Variants in NTNG1 observed in about 807,000 individuals in gnomAD.
The protein encoded by NTNG1 is netrin-G1.
In NTNG1, 16 loss-of-function variants were observed where a neutral mutation model predicts 54.0. The ratio of observed to expected loss-of-function variants is 0.30; its 90% confidence interval spans 0.20 to 0.45. The LOEUF is 0.45. NTNG1 is among the 20% of genes least tolerant of loss of function. NTNG1 has a pLI of 1.00. For missense variants in NTNG1, 530 were observed against 678.7 expected, an observed-to-expected ratio of 0.78 and a Z score of 2.43; for synonymous variants, 255 against 263.1, an observed-to-expected ratio of 0.97 and a Z score of 0.30.
At chr1:107,244,509 C>A (rs1662059408) in intron 2 of NTNG1, among the ~76,000 whole-genome samples, 1 of 152,196 alleles carries the variant, frequency 6.6e-6, no homozygotes, top group Non-Finnish European at 1.5e-5. Context: ...CTAATAGACA[C>A]TGCCATTATG....
intron 7 of NTNG1, among the ~76,000 whole-genome samples, chr1:107,439,337 A>T (rs1675812593): frequency 6.8e-6 from 1 of 148,122 alleles, no homozygotes; most frequent in Non-Finnish European, 1.5e-5. Context: ...GTAAGGGAAG[A>T]TGTTAAACAG....
chr1:107,290,137 C>G (rs1227402183), intron 2 of NTNG1, among the ~76,000 whole-genome samples: 1 of 152,168 alleles, frequency 6.6e-6, no homozygotes, highest in African/African-American at 2.4e-5. Context: ...ATAATGCATA[C>G]ATATTATGTG....
intron 3 of NTNG1, among the ~76,000 whole-genome samples, chr1:107,357,120 T>C (rs1431258531): frequency 6.6e-6 from 1 of 152,180 alleles, no homozygotes; most frequent in East Asian, 1.9e-4. Context: ...TTTAAATGCA[T>C]TCACTGCTAG....
At chr1:107,263,313 C>A (rs201561181) in intron 2 of NTNG1, among the ~76,000 whole-genome samples, 1 of 126,200 alleles carries the variant, frequency 7.9e-6, no homozygotes, top group Non-Finnish European at 1.9e-5. Flanking sequence ...TCCTTCCTTC[C>A]TTCCTTCCTT....
intron 2 of NTNG1, among the ~76,000 whole-genome samples, chr1:107,282,274 C>G (rs1230971134): frequency 6.6e-6 from 1 of 152,134 alleles, no homozygotes; most frequent in Non-Finnish European, 1.5e-5. Flanking sequence ...CTACTTGTTG[C>G]CAACCCTTTC....
chr1:107,431,033 T>C (rs1675228798), intron 6 of NTNG1, 116 bp downstream of exon 6: 2 of 847,374 alleles, frequency 2.4e-6, no homozygotes, highest in Admixed American at 2.6e-5. Flanking sequence ...ACTTTCTCAA[T>C]GTAGAAAATA....
intron 6 of NTNG1, 112 bp downstream of exon 6, chr1:107,431,029 T>C: frequency 1.1e-6 from 1 of 904,748 alleles, no homozygotes; most frequent in Non-Finnish European, 1.7e-6. Flanking sequence ...ATGAACTTTC[T>C]CAATGTAGAA....
chr1:107,405,588 G>A (rs548379017), intron 4 of NTNG1, among the ~76,000 whole-genome samples: 1 of 152,156 alleles, frequency 6.6e-6, no homozygotes, highest in Non-Finnish European at 1.5e-5. Context: ...AGCAAATACT[G>A]CATCAAACAG....
intron 3 of NTNG1, among the ~76,000 whole-genome samples, chr1:107,382,865 G>GAA (rs570924041): frequency 5.6e-5 from 8 of 143,198 alleles, no homozygotes; most frequent in East Asian, 2.0e-4. Flanking sequence ...CAAATAAGAG[G>GAA]AAAAAAAAAA....
intron 2 of NTNG1, among the ~76,000 whole-genome samples, chr1:107,229,272 T>C (rs1237689956): frequency 6.6e-6 from 1 of 150,602 alleles, no homozygotes; most frequent in Admixed American, 6.7e-5. Flanking sequence ...GATCCAGCAT[T>C]GGCCTTCTCA....
intron 7 of NTNG1, among the ~76,000 whole-genome samples, chr1:107,447,862 T>C (rs1301515322): frequency 6.6e-6 from 1 of 152,120 alleles, no homozygotes; most frequent in Non-Finnish European, 1.5e-5. Flanking sequence ...CCTAGCAAAC[T>C]GGCCTGGCTA....
chr1:107,283,098 A>G, intron 2 of NTNG1, among the ~76,000 whole-genome samples: 1 of 152,072 alleles, frequency 6.6e-6, no homozygotes, highest in Non-Finnish European at 1.5e-5. Context: ...TTCAACATAT[A>G]AACTTTGCAG....
intron 2 of NTNG1, among the ~76,000 whole-genome samples, chr1:107,213,764 A>G (rs1195493386): frequency 6.6e-6 from 1 of 152,168 alleles, no homozygotes; most frequent in African/African-American, 2.4e-5. Context: ...TCTGCCTTTG[A>G]AAGTGCAACA....
intron 1 of NTNG1, among the ~76,000 whole-genome samples, chr1:107,146,355 A>G (rs1654114587): frequency 6.6e-6 from 1 of 152,078 alleles, no homozygotes; most frequent in African/African-American, 2.4e-5. Context: ...ACTAGTAAAC[A>G]CAGTTGAAAA....
At chr1:107,444,770 G>A (rs190462085) in intron 7 of NTNG1, among the ~76,000 whole-genome samples, 14 of 152,198 alleles carry the variant, frequency 9.2e-5, no homozygotes, top group African/African-American at 3.4e-4. Context: ...GAAAAATGCA[G>A]GCACAGTTTT....
At chr1:107,208,184 C>T (rs1428407479) in intron 2 of NTNG1, among the ~76,000 whole-genome samples, 1 of 152,096 alleles carries the variant, frequency 6.6e-6, no homozygotes, top group Non-Finnish European at 1.5e-5. Context: ...AATCCCAGCA[C>T]TTTGAGAGGC....
chr1:107,171,045 G>A (rs1199185685), intron 2 of NTNG1, among the ~76,000 whole-genome samples: 1 of 152,048 alleles, frequency 6.6e-6, no homozygotes, highest in African/African-American at 2.4e-5. Context: ...GGTAAAATCA[G>A]ATTGACTCAT....
intron 5 of NTNG1, chr1:107,409,311 T>C (rs1013765320): frequency 6.6e-6 from 1 of 152,192 alleles, no homozygotes; most frequent in Admixed American, 6.5e-5. Context: ...GAGGCTGCTA[T>C]AGTGATCTGG....
chr1:107,222,028 G>C (rs1277735960), intron 2 of NTNG1, among the ~76,000 whole-genome samples: 1 of 151,342 alleles, frequency 6.6e-6, no homozygotes, highest in Non-Finnish European at 1.5e-5. Context: ...AAACCCTCTT[G>C]TGTCTCAAAC....
Sources: allele counts gnomAD v4.1 joint callset (sites outside exome capture counted in the v4.1 genomes callset), GRCh38; gene constraint gnomAD v4.1.1; transcripts MANE v1.5; gene names NCBI Gene and HGNC (gene_info 2026-07-23, HGNC 2026-07-21).